Variants in RFX2 observed in about 807,000 individuals in gnomAD.
RFX2 encodes the protein DNA-binding protein RFX2.
A neutral mutation model predicts 87.8 loss-of-function variants in RFX2; 20 were observed. The observed-to-expected ratio is 0.23, with a 90% CI of 0.16 to 0.33. The LOEUF is 0.33. Ranked by LOEUF, RFX2 falls within the 10% of genes least tolerant of loss-of-function variation. The probability of loss-of-function intolerance (pLI) is 1.00; values close to 1 mark genes in which losing one functional copy is unlikely to be tolerated. For synonymous variants in RFX2, 397 were observed against 431.3 expected, an observed-to-expected ratio of 0.92 and a Z score of 0.98; for missense variants, 767 against 1,012.3, an observed-to-expected ratio of 0.76 and a Z score of 3.29.
rs573270091 is a variant in RFX2, at chr19:6,016,146, G to A, written c.723C>T (p.Phe241=). The A allele has an allele frequency of 1.4e-5, 22 of 1,614,092 alleles. No individual in the cohort carries two copies. Among genetic ancestry groups the A allele is most frequent in the Non-Finnish European group, 1.7e-5 (20 of 1,179,950 alleles). ...HKLDPVNAAS[F]GKLIRSVFMG... Reference sequence around the variant, plus strand: ...TAAACACAGAACGGATCAGTTTCCCGAAGGAGGCGGCGTTCACTGGGTCTA... The same window carrying A: ...TAAACACAGAACGGATCAGTTTCCCAAAGGAGGCGGCGTTCACTGGGTCTA... Residue 241 remains phenylalanine (F), a synonymous_variant, in exon 7 of 18, where the codon TTC becomes TTT. Transcript: ENST00000303657. This position sits in a 1 kb window ranked among gnomAD's most constrained non-coding sequence, Gnocchi z 5.4.
rs1051145864 is a variant in RFX2, at chr19:6,001,744, C to T, written c.1859+71G>A. ...TGCTCTGAGCTCACCAGCCGAGCCC[C>T]CTACCCTCTAGAAGTTTCTCTCAGA... is the stretch of plus-strand genomic sequence containing the variant. On this transcript the variant is annotated intron_variant, in intron 15 of 17. Transcript: ENST00000303657. The surrounding 1 kb of genome is among the most constrained non-coding windows in gnomAD (Gnocchi z 5.6). 4 of 1,386,242 alleles carry T rather than the reference C, an allele frequency of 2.9e-6. No individual in the cohort carries two copies. The Admixed American group carries it at 6.4e-5, about 22-fold the overall frequency. 85.9% of individuals were successfully genotyped at this position (1,386,242 alleles called of 1,614,324 possible). A position where few individuals can be genotyped will look rare whatever the true frequency, so the allele number is the denominator to read the frequency against.
At chr19:6,005,574 G>C (rs2086569452) in intron 12 of RFX2, among the ~76,000 whole-genome samples, 1 of 152,216 alleles carries the variant, frequency 6.6e-6, no homozygotes, top group Admixed American at 6.5e-5. Context: ...AAGGGCACGA[G>C]TGATCTCTGC....
chr19:6,049,861 G>A (rs972280504), intron 1 of RFX2, among the ~76,000 whole-genome samples: 7 of 152,220 alleles, frequency 4.6e-5, no homozygotes, highest in Admixed American at 2.0e-4. Flanking sequence ...TTTACCATGT[G>A]TTGTCTTATA....
rs2086826776 is a variant in RFX2 at position 6,022,410 on chromosome 19, C to T, written c.597+3753G>A. Among the ~76,000 whole-genome samples the T allele has an allele frequency of 1.3e-5, 2 of 152,256 alleles. No individual in the cohort carries two copies. The highest frequency in any genetic ancestry group is 4.1e-4 in the South Asian group (2 of 4,838). On this transcript the variant is annotated intron_variant, in intron 6 of 17. Transcript: ENST00000303657. The surrounding 1 kb of genome is among the most constrained non-coding windows in gnomAD (Gnocchi z 6.2). ...ACATAACCCAAATACGACTCTTCCA[C>T]ACGCAGCTCTCTCCCGCAGGGTGTG...
At position 6,019,648 on chromosome 19, in the gene RFX2, G is replaced by A. The variant is rs75720703; in HGVS notation, c.598-3377C>T. On this transcript the variant is annotated intron_variant, in intron 6 of 17. Transcript: ENST00000303657. ...TCCTGTCACCACCCCAGGCTGGAGC[G>A]CAGTGGTGCAATCATGGCTCATGCA... Among the ~76,000 whole-genome samples the A allele has an allele frequency of 4.4e-3, 658 of 150,754 alleles. 7 individuals are homozygous for A. The East Asian group carries it at 0.07, about 16-fold the overall frequency.
intron 1 of RFX2, among the ~76,000 whole-genome samples, chr19:6,093,373 A>G (rs1449833010): frequency 6.6e-6 from 1 of 152,076 alleles, no homozygotes; most frequent in African/African-American, 2.4e-5. Context: ...CGTCTCTACT[A>G]AAATACAAAA....
chr19:6,107,616 CAAAAAAAAAA>C (rs1156483792), intron 1 of RFX2, among the ~76,000 whole-genome samples: 2 of 31,540 alleles, frequency 6.3e-5, no homozygotes, highest in African/African-American at 2.5e-4. Context: ...GACCCTGTCT[CAAAAAAAAAA>C]AAAAAAAAAA....
intron 1 of RFX2, among the ~76,000 whole-genome samples, chr19:6,078,809 C>T (rs2087733088): frequency 6.6e-6 from 1 of 152,194 alleles, no homozygotes; most frequent in Non-Finnish European, 1.5e-5. Context: ...TGGAATCTTG[C>T]TCTGTCTCCC....
rs2086687920 is a variant in RFX2 at position 6,013,644 on chromosome 19, G to C, written c.780-539C>G. Among the ~76,000 whole-genome samples the C allele has an allele frequency of 6.6e-6, 1 of 152,092 alleles. No individual in the cohort carries two copies. The highest frequency in any genetic ancestry group is 2.4e-5 in the African/African-American group (1 of 41,408). ...AAGTGATCCTCCTGCCTCAGCCTCT[G>C]AGTAGCTGGGACAGCTGGCGTGTGC... On this transcript the variant is annotated intron_variant, in intron 7 of 17. Transcript: ENST00000303657. This position sits in a 1 kb window ranked among gnomAD's most constrained non-coding sequence, Gnocchi z 4.1.
At chr19:6,105,034 C>T (rs2088191904) in intron 1 of RFX2, among the ~76,000 whole-genome samples, 1 of 150,998 alleles carries the variant, frequency 6.6e-6, no homozygotes, top group African/African-American at 2.4e-5. Context: ...AGAAAAATTG[C>T]TTGAACCTGG....
chr19:6,074,634 A>G lies in RFX2; in HGVS notation c.-8-27130T>C, dbSNP rs2087662251. ...GGGAGAGACAGACGACACCATGGAC[A>G]CAGAACAGCAGGAGGTGACAAATGC... On this transcript the variant is annotated intron_variant, in intron 1 of 17. Coordinates refer to ENST00000303657, the MANE Select transcript of RFX2 (RefSeq NM_000635.4). The surrounding 1 kb of genome is among the most constrained non-coding windows in gnomAD (Gnocchi z 5.2). Among the ~76,000 whole-genome samples the G allele has an allele frequency of 6.6e-6, 1 of 152,244 alleles. No homozygotes were observed. Among genetic ancestry groups the G allele is most frequent in the Non-Finnish European group, 1.5e-5 (1 of 68,046 alleles).
chr19:6,052,622 T>TG (rs1023518189), intron 1 of RFX2, among the ~76,000 whole-genome samples: 1 of 152,192 alleles, frequency 6.6e-6, no homozygotes, highest in African/African-American at 2.4e-5. Context: ...ATATTCACTG[T>TG]GATGGGTCAT....
intron 1 of RFX2, among the ~76,000 whole-genome samples, chr19:6,060,321 C>T (rs1041147672): frequency 6.6e-6 from 1 of 152,188 alleles, no homozygotes; most frequent in Non-Finnish European, 1.5e-5. Context: ...CCAGCAGAAG[C>T]CTAAAATATG....
Position 6,090,877 on chromosome 19 carries a change from C to T in RFX2, c.-9+19516G>A, listed in dbSNP as rs2087923983. 5.3e-5 allele frequency among the ~76,000 whole-genome samples: 8 copies of T among 152,246 alleles called. No homozygotes were observed. In the South Asian group the frequency reaches 1.7e-3, roughly 32 times the overall value. The stretch of plus-strand genomic sequence containing the variant: ...CACAGGCTACAATGTGGATGAACTG[C>T]AAAACAATATTACCCAACCTTCCAG... On this transcript the variant is annotated intron_variant, in intron 1 of 17. Coordinates refer to ENST00000303657, the MANE Select transcript of RFX2 (RefSeq NM_000635.4).
intron 1 of RFX2, among the ~76,000 whole-genome samples, chr19:6,080,004 G>T (rs556206036): frequency 1.1e-4 from 17 of 151,788 alleles, no homozygotes; most frequent in African/African-American, 4.1e-4. Flanking sequence ...GAAAAACCAG[G>T]TGCATCTACT....
chr19:6,096,080 C>T (rs2088018907), intron 1 of RFX2, among the ~76,000 whole-genome samples: 1 of 152,188 alleles, frequency 6.6e-6, no homozygotes, highest in African/African-American at 2.4e-5. Flanking sequence ...AGAATGTTTG[C>T]TGATCCCCAC....
At chr19:6,003,646 G>A (rs1292242634) in intron 13 of RFX2, among the ~76,000 whole-genome samples, 1 of 151,938 alleles carries the variant, frequency 6.6e-6, no homozygotes, top group Non-Finnish European at 1.5e-5. Flanking sequence ...AGGTGTGGTG[G>A]CGGGCACCTG....
intron 1 of RFX2, among the ~76,000 whole-genome samples, chr19:6,091,520 G>A (rs551527271): frequency 1.3e-5 from 2 of 152,140 alleles, no homozygotes; most frequent in South Asian, 2.1e-4. Context: ...CTGAGTGCTG[G>A]CAAATGCCAG....
Position 6,024,655 on chromosome 19 carries a change from C to G in RFX2, c.597+1508G>C, listed in dbSNP as rs182778545. On this transcript the variant is annotated intron_variant, in intron 6 of 17. Transcript: ENST00000303657. This position sits in a 1 kb window ranked among gnomAD's most constrained non-coding sequence, Gnocchi z 5.0. ...CACTTTCTGCCCCCAGAATCACTCA[C>G]TGCCTTTTGATAACGCCTCATTTTA... 7.9e-5 allele frequency among the ~76,000 whole-genome samples: 12 copies of G among 152,340 alleles called. No individual in the cohort carries two copies. In the East Asian group the frequency reaches 2.3e-3, roughly 29 times the overall value.
Sources: gnomAD v4.1 joint callset for allele counts (sites outside exome capture counted in the v4.1 genomes callset) on GRCh38, gnomAD v4.1.1 for gene constraint, Gnocchi (gnomAD v3.1) non-coding constraint, MANE v1.5 for transcripts, NCBI Gene and HGNC (gene_info 2026-07-23, HGNC 2026-07-21) for gene names.